SPHKAP: variants seen among roughly 807,000 people sequenced by gnomAD.
SPHKAP encodes the protein SPHK1 interactor, AKAP domain containing.
Under a neutral mutation model 137.5 loss-of-function variants are expected in SPHKAP, and 67 were observed. That is an observed-to-expected ratio of 0.49 (90% CI 0.40 to 0.60). The LOEUF is 0.60. Ranked by LOEUF, SPHKAP falls within the 20% of genes least tolerant of loss-of-function variation. The probability of loss-of-function intolerance (pLI) is 0.00; values close to 1 mark genes in which losing one functional copy is unlikely to be tolerated. For missense variants in SPHKAP, 2,097 were observed against 2,069.3 expected (o/e 1.01, Z -0.26); for synonymous variants, 813 against 785.3 (o/e 1.04, Z -0.59).
At chr2:228,129,382 A>ATT (rs1699176449) in intron 2 of SPHKAP, among the ~76,000 whole-genome samples, 1 of 152,222 alleles carries the variant, frequency 6.6e-6, no homozygotes. Flanking sequence ...GTTGTCTCAC[A>ATT]TAATAGTTTA....
chr2:228,020,199 C>T, intron 6 of SPHKAP, 43 bp from the exon 7 acceptor site: 9 of 1,533,792 alleles, frequency 5.9e-6, no homozygotes, highest in Non-Finnish European at 7.8e-6. Flanking sequence ...TTTTGGATAG[C>T]AGGTTACCAT....
At chr2:227,996,050 T>C in intron 7 of SPHKAP, 1 of 984,894 alleles carries the variant, frequency 1.0e-6, no homozygotes, top group Non-Finnish European at 1.2e-6. Context: ...TGATTCAGTG[T>C]TTCTGGAAGG....
intron 3 of SPHKAP, among the ~76,000 whole-genome samples, chr2:228,099,975 G>A (rs942882298): frequency 2.0e-5 from 3 of 151,966 alleles, no homozygotes; most frequent in South Asian, 2.1e-4. Context: ...TCAGCCTCCC[G>A]AGTAGCTGGG....
Position 228,017,270 on chromosome 2 carries a change from T to C in SPHKAP, c.3584A>G (p.Tyr1195Cys), listed in dbSNP as rs373920417. The change falls in exon 7 of 12, where the codon TAC becomes TGC. Residue 1195 changes from tyrosine (Y) to cysteine (C), a missense_variant. Transcript: ENST00000392056. ...SSTESITEEF[Y>C]RYMLRDIERD... Reference sequence around the variant, plus strand: ...TTCGATGTCCCTCAGCATGTACCTGTAGAACTCCTCAGTGATGCTCTCTGT... The same window carrying C: ...TTCGATGTCCCTCAGCATGTACCTGCAGAACTCCTCAGTGATGCTCTCTGT... 6.2e-6 allele frequency: 10 copies of C among 1,614,058 alleles called. No individual in the cohort carries two copies. The highest frequency in any genetic ancestry group is 7.6e-6 in the Non-Finnish European group (9 of 1,180,024).
chr2:228,140,344 C>CT (rs1342310083), intron 1 of SPHKAP, among the ~76,000 whole-genome samples: 3 of 151,886 alleles, frequency 2.0e-5, no homozygotes, highest in Non-Finnish European at 4.4e-5. Flanking sequence ...TAAATCTAGA[C>CT]TGTAGTTCAG....
chr2:228,129,317 G>A (rs1373212636), intron 2 of SPHKAP, among the ~76,000 whole-genome samples: 1 of 152,196 alleles, frequency 6.6e-6, no homozygotes, highest in East Asian at 1.9e-4. Context: ...TATAAAAAAT[G>A]CATTATCTGC....
chr2:227,992,633 C>CA (rs1210228688), intron 9 of SPHKAP, among the ~76,000 whole-genome samples: 1 of 151,740 alleles, frequency 6.6e-6, no homozygotes, highest in Non-Finnish European at 1.5e-5. Flanking sequence ...CAAAACAAAA[C>CA]AAAAAAACAA....
chr2:228,052,131 A>G (rs1203626223), intron 3 of SPHKAP, among the ~76,000 whole-genome samples: 1 of 152,184 alleles, frequency 6.6e-6, no homozygotes, highest in Non-Finnish European at 1.5e-5. Context: ...CAAAAATGTA[A>G]AATTTAATTG....
intron 3 of SPHKAP, among the ~76,000 whole-genome samples, chr2:228,076,520 T>C (rs1428694439): frequency 1.1e-4 from 17 of 152,078 alleles, no homozygotes; most frequent in Admixed American, 1.1e-3. Flanking sequence ...TTGTTGGGAA[T>C]TGGAGCAAAG....
At chr2:228,099,837 T>G (rs924395597) in intron 3 of SPHKAP, among the ~76,000 whole-genome samples, 1 of 135,324 alleles carries the variant, frequency 7.4e-6, no homozygotes, top group Non-Finnish European at 1.6e-5. Flanking sequence ...TGTACAGAAA[T>G]GCTACTGATT....
chr2:228,068,048 C>T (rs921604203), intron 3 of SPHKAP, among the ~76,000 whole-genome samples: 4 of 152,088 alleles, frequency 2.6e-5, no homozygotes, highest in Non-Finnish European at 4.4e-5. Context: ...ACAAAATCAA[C>T]ACACAAAAAT....
rs560329486 is a variant in SPHKAP at position 228,168,493 on chromosome 2, T to A, written c.32+13074A>T. On this transcript the variant is annotated intron_variant, in intron 1 of 11. Coordinates refer to ENST00000392056, the MANE Select transcript of SPHKAP (RefSeq NM_001142644.2). ...ATTAATATTACAGCTATTATGGTGA[T>A]CTGTGATTAGTGATCTTTGATGTTA... Among the ~76,000 whole-genome samples, 5 of 152,302 alleles carry A rather than the reference T, an allele frequency of 3.3e-5. No individual in the cohort carries two copies. In the South Asian group the frequency reaches 8.3e-4, roughly 25 times the overall value.
chr2:228,076,184 A>C (rs763312784), intron 3 of SPHKAP, among the ~76,000 whole-genome samples: 3 of 152,168 alleles, frequency 2.0e-5, no homozygotes, highest in Non-Finnish European at 4.4e-5. Context: ...CCACCACTGG[A>C]ACTGTAAGTT....
chr2:228,016,458 G>C lies in SPHKAP; in HGVS notation c.4396C>G (p.Pro1466Ala), dbSNP rs765896167. ...AEGHSNDKNI[P>A]DVVRGGDTAV... ...GTGTCTCCACCTCTCACCACATCTG[G>C]GATGTTTTTGTCATTCGAATGCCCT... Residue 1466 changes from proline to alanine, a missense_variant, in exon 7 of 12, where the codon CCA becomes GCA. Coordinates refer to ENST00000392056, the MANE Select transcript of SPHKAP (RefSeq NM_001142644.2). 6.2e-7 allele frequency: 1 copy of C among 1,611,950 alleles called. No homozygotes were observed. Among genetic ancestry groups the C allele is most frequent in the Non-Finnish European group, 8.5e-7 (1 of 1,179,292 alleles).
Position 228,093,313 on chromosome 2 carries a change from C to T in SPHKAP, c.246+15519G>A, listed in dbSNP as rs984583201. 3.9e-5 allele frequency among the ~76,000 whole-genome samples: 6 copies of T among 152,196 alleles called. 1 individual carries two copies. In the South Asian group the frequency reaches 1.2e-3, roughly 32 times the overall value. ...ACCAAAGAATAATAAAATTATATGT[C>T]CACACAAAACTTGTATGCAAATGTT... On this transcript the variant is annotated intron_variant, in intron 3 of 11. Coordinates refer to ENST00000392056, the MANE Select transcript of SPHKAP (RefSeq NM_001142644.2).
At chr2:228,006,515 C>T (rs539284544) in intron 7 of SPHKAP, among the ~76,000 whole-genome samples, 2 of 152,230 alleles carry the variant, frequency 1.3e-5, no homozygotes, top group South Asian at 2.1e-4. Flanking sequence ...GAAGTTTGAT[C>T]GTCTGAAGCC....
At chr2:228,128,632 A>G (rs759991705) in intron 2 of SPHKAP, among the ~76,000 whole-genome samples, 7 of 152,192 alleles carry the variant, frequency 4.6e-5, no homozygotes, top group Non-Finnish European at 1.0e-4. Flanking sequence ...TATCTATGAC[A>G]GTTATAGCCT....
At chr2:228,053,800 C>A (rs1277709841) in intron 3 of SPHKAP, among the ~76,000 whole-genome samples, 1 of 152,126 alleles carries the variant, frequency 6.6e-6, no homozygotes. Context: ...CTTATCTGTG[C>A]TACAATACAT....
At chr2:227,986,297 T>C (rs1693206460) in intron 11 of SPHKAP, among the ~76,000 whole-genome samples, 1 of 152,218 alleles carries the variant, frequency 6.6e-6, no homozygotes, top group South Asian at 2.1e-4. Flanking sequence ...GAGACTATTA[T>C]TCTAAGTTAA....
Sources: allele counts gnomAD v4.1 joint callset (sites outside exome capture counted in the v4.1 genomes callset), GRCh38; gene constraint gnomAD v4.1.1; transcripts MANE v1.5; gene names NCBI Gene and HGNC (gene_info 2026-07-23, HGNC 2026-07-21).